Variants in FRMD6 observed in about 807,000 individuals in gnomAD.
FRMD6 encodes FERM domain containing 6, also known as FERM domain-containing protein 6.
FRMD6 carries 37 observed loss-of-function variants against 73.2 expected under a neutral mutation model. That is an observed-to-expected ratio of 0.51 (90% CI 0.39 to 0.66). The LOEUF (loss-of-function observed/expected upper bound fraction) is 0.66, where lower values mean the gene tolerates loss of function less well. FRMD6 is among the 30% of genes least tolerant of loss of function. The pLI, the probability that FRMD6 is intolerant of heterozygous loss-of-function variation, is 0.00. For synonymous variants in FRMD6, 273 were observed against 282.2 expected, an observed-to-expected ratio of 0.97 and a Z score of 0.33; for missense variants, 714 against 780.5, an observed-to-expected ratio of 0.91 and a Z score of 1.02.
intron 2 of FRMD6, among the ~76,000 whole-genome samples, chr14:51,630,889 G>A (rs1806030555): frequency 6.6e-6 from 1 of 152,136 alleles, no homozygotes; most frequent in Non-Finnish European, 1.5e-5. Context: ...TTATCTTGTA[G>A]TACAAGGCTT....
intron 2 of FRMD6, among the ~76,000 whole-genome samples, chr14:51,621,988 A>G (rs901051481): frequency 6.6e-6 from 1 of 152,248 alleles, no homozygotes; most frequent in African/African-American, 2.4e-5. Flanking sequence ...AGCAACAGGC[A>G]TAACCCGAGA....
intron 3 of FRMD6, among the ~76,000 whole-genome samples, chr14:51,700,165 G>A (rs958624000): frequency 2.0e-5 from 3 of 151,892 alleles, no homozygotes; most frequent in East Asian, 1.9e-4. Context: ...AGAGCTTTCC[G>A]TGAAGATGTC....
At chr14:51,459,804 G>A in the FRMD6 span, among the ~76,000 whole-genome samples, 4 of 126,294 alleles carry the variant, frequency 3.2e-5, no homozygotes, top group Admixed American at 1.8e-4. Context: ...TCCAGCCTGG[G>A]CGACAGAGCA....
chr14:51,679,044 G>A lies in FRMD6; in HGVS notation c.-146-10647G>A, dbSNP rs572393092. 9.7e-4 allele frequency among the ~76,000 whole-genome samples: 147 copies of A among 152,272 alleles called. 1 individual carries two copies. The highest frequency in any genetic ancestry group is 3.4e-3 in the African/African-American group (143 of 41,556). On this transcript the variant is annotated intron_variant, in intron 1 of 13. Coordinates refer to ENST00000344768, the MANE Select transcript of FRMD6 (RefSeq NM_001267046.2). ...AAGGATTACTGTGCTTTAGTGTTAGGTGTTGTCCTGTGGATGTGCTGAACT... is the reference window on the plus strand; with the variant it reads ...AAGGATTACTGTGCTTTAGTGTTAGATGTTGTCCTGTGGATGTGCTGAACT...
At chr14:51,575,090 C>T (rs1171327778) in intron 2 of FRMD6, among the ~76,000 whole-genome samples, 1 of 152,168 alleles carries the variant, frequency 6.6e-6, no homozygotes, top group Non-Finnish European at 1.5e-5. Flanking sequence ...TGAAAGACCA[C>T]TTTTATGCCT....
chr14:51,491,564 T>A (rs1222940457), intron 1 of FRMD6: 6 of 152,214 alleles, frequency 3.9e-5, no homozygotes, highest in African/African-American at 1.4e-4. Flanking sequence ...ATATACCTGA[T>A]CTAATTTATT....
rs76601669 is a variant in FRMD6, at chr14:51,529,141, A to G, written c.-210+39721A>G. 2.4e-3 allele frequency among the ~76,000 whole-genome samples: 370 copies of G among 152,344 alleles called. 1 individual carries two copies. Among genetic ancestry groups the G allele is most frequent in the Non-Finnish European group, 3.9e-3 (263 of 68,032 alleles). ...ACATGGTGTTTTGTGTTTTCAGTTC[A>G]TGCCTTTCCTCTAAATGGGGAAGAA... On this transcript the variant is annotated intron_variant, in intron 1 of 14. Transcript: ENST00000356218.
intron 1 of FRMD6, among the ~76,000 whole-genome samples, chr14:51,500,130 A>G (rs113425167): frequency 6.6e-6 from 1 of 152,176 alleles, no homozygotes; most frequent in African/African-American, 2.4e-5. Context: ...AATCTGCCCA[A>G]ATGTTGCCGG....
chr14:51,490,621 T>TGTGTGTGTGTGTGTGTGTGC (rs1251851201), intron 1 of FRMD6, among the ~76,000 whole-genome samples: 9 of 146,620 alleles, frequency 6.1e-5, no homozygotes, highest in Non-Finnish European at 1.1e-4. Flanking sequence ...GTATTTTGTG[T>TGTGTGTGTGTGTGTGTGTGC]GTGTGTGTGT....
At chr14:51,726,137 C>A (rs1156493195) in intron 13 of FRMD6, among the ~76,000 whole-genome samples, 1 of 152,154 alleles carries the variant, frequency 6.6e-6, no homozygotes, top group African/African-American at 2.4e-5. Flanking sequence ...AGGCTTCAGG[C>A]GAACCACGTG....
intron 2 of FRMD6, among the ~76,000 whole-genome samples, chr14:51,604,394 A>T (rs1400778088): frequency 6.6e-6 from 1 of 152,158 alleles, no homozygotes; most frequent in East Asian, 1.9e-4. Context: ...TGAACTGGAA[A>T]CTATGCTTTC....
intron 1 of FRMD6, among the ~76,000 whole-genome samples, chr14:51,549,598 T>TTTC (rs1555374677): frequency 3.2e-4 from 40 of 124,012 alleles, no homozygotes; most frequent in Admixed American, 2.2e-3. Flanking sequence ...TTTCTTTCTT[T>TTTC]TTTTTTTTTT....
chr14:51,475,729 T>C, the FRMD6 span, among the ~76,000 whole-genome samples: 1 of 152,146 alleles, frequency 6.6e-6, no homozygotes, highest in Non-Finnish European at 1.5e-5. Flanking sequence ...CATCAAAGGA[T>C]GAAACAGGTA....
the FRMD6 span, among the ~76,000 whole-genome samples, chr14:51,424,028 G>A: frequency 6.6e-6 from 1 of 152,212 alleles, no homozygotes; most frequent in Non-Finnish European, 1.5e-5. Flanking sequence ...ATATACAACA[G>A]TAAATTGTAT....
intron 2 of FRMD6, among the ~76,000 whole-genome samples, chr14:51,691,285 T>C (rs187260289): frequency 6.6e-6 from 1 of 152,336 alleles, no homozygotes; most frequent in East Asian, 1.9e-4. Flanking sequence ...TTTTGGGCTA[T>C]TGTAAAACTG....
At chr14:51,520,245 G>A (rs753477008) in intron 1 of FRMD6, among the ~76,000 whole-genome samples, 47 of 152,148 alleles carry the variant, frequency 3.1e-4, no homozygotes, top group Admixed American at 7.9e-4. Flanking sequence ...ATTAGTCATC[G>A]AGGAAACACA....
chr14:51,551,094 C>T (rs1311166031), intron 1 of FRMD6, among the ~76,000 whole-genome samples: 1 of 152,084 alleles, frequency 6.6e-6, no homozygotes, highest in Non-Finnish European at 1.5e-5. Flanking sequence ...TCTGTCCATC[C>T]CTGACCACCC....
At chr14:51,450,087 C>G in the FRMD6 span, among the ~76,000 whole-genome samples, 9 of 152,174 alleles carry the variant, frequency 5.9e-5, no homozygotes, top group Non-Finnish European at 1.3e-4. Flanking sequence ...AACAATCATA[C>G]CTGTGGCAAA....
intron 2 of FRMD6, among the ~76,000 whole-genome samples, chr14:51,612,377 T>C (rs1890546433): frequency 6.6e-6 from 1 of 152,194 alleles, no homozygotes; most frequent in African/African-American, 2.4e-5. Context: ...CATCATTGCT[T>C]CTGTTGAATA....
Sources: allele counts gnomAD v4.1 joint callset (sites outside exome capture counted in the v4.1 genomes callset), GRCh38; gene constraint gnomAD v4.1.1; transcripts MANE v1.5; gene names NCBI Gene and HGNC (gene_info 2026-07-23, HGNC 2026-07-21).